MGMT: variants seen among roughly 807,000 people sequenced by gnomAD.
MGMT encodes the protein O-6-methylguanine-DNA methyltransferase.
In MGMT, 14 loss-of-function variants were observed where a neutral mutation model predicts 15.9. The observed-to-expected ratio is 0.88, with a 90% CI of 0.58 to 1.37. The LOEUF (loss-of-function observed/expected upper bound fraction) is 1.37. Ranked by LOEUF, MGMT falls within the 40% of genes most tolerant of loss-of-function variation. The pLI is 0.00. For synonymous variants in MGMT, 130 were observed against 118.2 expected, an observed-to-expected ratio of 1.10 and a Z score of -0.65; for missense variants, 282 against 268.1, an observed-to-expected ratio of 1.05 and a Z score of -0.36.
At chr10:129,584,440 T>G (rs567485328) in intron 2 of MGMT, among the ~76,000 whole-genome samples, 18 of 50,312 alleles carry the variant, frequency 3.6e-4, no homozygotes, top group African/African-American at 7.4e-4. Flanking sequence ...GCTTAATTTG[T>G]TTTTTTTTTC....
chr10:129,672,866 T>A (rs1461007511), intron 2 of MGMT, among the ~76,000 whole-genome samples: 1 of 152,212 alleles, frequency 6.6e-6, no homozygotes, highest in African/African-American at 2.4e-5. Flanking sequence ...TTTTATTTTG[T>A]GCCATATTAG....
At chr10:129,536,470 G>C (rs763452720) in intron 2 of MGMT, 93 bp downstream of exon 2, 3 of 1,485,220 alleles carry the variant, frequency 2.0e-6, no homozygotes, top group Non-Finnish European at 2.7e-6. Flanking sequence ...TGATGGCAGG[G>C]TAACGCATAG....
chr10:129,502,452 C>G (rs1845583975), intron 1 of MGMT, among the ~76,000 whole-genome samples: 1 of 151,948 alleles, frequency 6.6e-6, no homozygotes, highest in South Asian at 2.1e-4. Context: ...CAAAAAGGTA[C>G]AGAAGCTGCC....
intron 3 of MGMT, among the ~76,000 whole-genome samples, chr10:129,709,015 C>T (rs1463186479): frequency 6.6e-6 from 1 of 152,210 alleles, no homozygotes; most frequent in Non-Finnish European, 1.5e-5. Context: ...CCAAGTCAGA[C>T]AGGCGAACAT....
At position 129,498,565 on chromosome 10, in the gene MGMT, G is replaced by T. The variant is rs548917530; in HGVS notation, c.-13+31269G>T. ...ATGGATATTTATTTTAATTTCTGGG[G>T]TATAGTCCAGTGCTGTCTTTACTTA... On this transcript the variant is annotated intron_variant, in intron 1 of 4. Coordinates refer to ENST00000651593, the MANE Select transcript of MGMT (RefSeq NM_002412.5). Among the ~76,000 whole-genome samples, 16 of 152,284 alleles carry T rather than the reference G, an allele frequency of 1.1e-4. 1 individual carries two copies. In the South Asian group the frequency reaches 3.3e-3, roughly 32 times the overall value.
rs776444084 is a variant in MGMT, at chr10:129,707,998, G to A, written c.229G>A (p.Glu77Lys). Residue 77 changes from glutamate (E) to lysine (K), a missense_variant, in exon 3 of 5, where the codon GAA (glutamate) becomes AAA (lysine). Transcript: ENST00000651593. Reference protein sequence around the residue: ...NAYFHQPEAIEEFPVPALHHP... With the variant: ...NAYFHQPEAIKEFPVPALHHP... ...CTATTTCCACCAGCCCGAGGCTATC[G>A]AAGAGTTCCCCGTGCCGGCTCTTCA... The A allele has an allele frequency of 8.7e-6, 14 of 1,613,698 alleles. No homozygotes were observed. The highest frequency in any genetic ancestry group is 3.3e-5 in the South Asian group (3 of 91,068).
rs961506918 is a variant in MGMT, at chr10:129,480,629, G to T, written c.-13+13333G>T. 1.2e-3 allele frequency among the ~76,000 whole-genome samples: 181 copies of T among 152,166 alleles called. 3 individuals carry two copies. Among genetic ancestry groups the T allele is most frequent in the Non-Finnish European group, 3.7e-4 (25 of 68,024 alleles). On this transcript the variant is annotated intron_variant, in intron 1 of 4. Coordinates refer to ENST00000651593, the MANE Select transcript of MGMT (RefSeq NM_002412.5). ...ACACTGGCTCATGACTGTGATTCCA[G>T]CACTTTGGGAGGCTGAGGTGGGAGG...
intron 1 of MGMT, 117 bp from the exon 2 acceptor site, chr10:129,536,124 T>C: frequency 8.3e-7 from 1 of 1,203,380 alleles, no homozygotes. Flanking sequence ...ATTCCAAAAA[T>C]GAGGAAGAGC....
rs564410912 is a variant in MGMT, at chr10:129,680,936, G to A, written c.126-26959G>A. ...TCCTGAGCGACCCCATCAGTAAAGC[G>A]TCGCCACCATGCAATGCTGCTGGCA... is the stretch of plus-strand genomic sequence containing the variant. On this transcript the variant is annotated intron_variant, in intron 2 of 4. Transcript: ENST00000651593. Among the ~76,000 whole-genome samples, 10 of 152,330 alleles carry A rather than the reference G, an allele frequency of 6.6e-5. 1 individual carries two copies. Among genetic ancestry groups the A allele is most frequent in the South Asian group, 4.1e-4 (2 of 4,832 alleles).
rs1194885939 is a variant in MGMT at position 129,467,301 on chromosome 10, G to C, written c.-13+5G>C. The C allele has an allele frequency of 6.5e-7, 1 of 1,538,730 alleles. No individual in the cohort carries two copies. The highest frequency in any genetic ancestry group is 2.0e-5 in the Admixed American group (1 of 49,414). Reference sequence around the variant, plus strand: ...GTGCGCACCGTTTGCGACTTGGTGAGTGTCTGGGTCGCCTCGCTCCCGGAA... The same window carrying C: ...GTGCGCACCGTTTGCGACTTGGTGACTGTCTGGGTCGCCTCGCTCCCGGAA... On this transcript the variant is annotated splice_donor_5th_base_variant and intron_variant, in intron 1 of 4. Coordinates refer to ENST00000651593, the MANE Select transcript of MGMT (RefSeq NM_002412.5).
chr10:129,517,620 G>C (rs547612134), intron 1 of MGMT, among the ~76,000 whole-genome samples: 1 of 152,192 alleles, frequency 6.6e-6, no homozygotes, highest in Non-Finnish European at 1.5e-5. Context: ...TCATGAGGCC[G>C]TATGTCGCAC....
At chr10:129,624,220 G>A (rs1847121106) in intron 2 of MGMT, among the ~76,000 whole-genome samples, 1 of 152,216 alleles carries the variant, frequency 6.6e-6, no homozygotes, top group East Asian at 1.9e-4. Context: ...CTGTGCCCAG[G>A]GTTTGTGCAC....
intron 2 of MGMT, among the ~76,000 whole-genome samples, chr10:129,618,099 G>A (rs531202270): frequency 6.6e-6 from 1 of 152,134 alleles, no homozygotes; most frequent in Non-Finnish European, 1.5e-5. Context: ...ACCAGAGATA[G>A]AGCCAGGCCC....
At chr10:129,632,782 G>A (rs1314402569) in intron 2 of MGMT, among the ~76,000 whole-genome samples, 1 of 151,062 alleles carries the variant, frequency 6.6e-6, no homozygotes, top group Non-Finnish European at 1.5e-5. Flanking sequence ...GGAGTGACTG[G>A]GTGTCTTTAA....
chr10:129,563,384 A>G (rs1185813118), intron 2 of MGMT, among the ~76,000 whole-genome samples: 1 of 151,876 alleles, frequency 6.6e-6, no homozygotes, highest in Admixed American at 6.6e-5. Context: ...CCTGAGGCCG[A>G]GTCTTCTGTG....
At chr10:129,622,913 G>A (rs755814347) in intron 2 of MGMT, among the ~76,000 whole-genome samples, 8 of 152,188 alleles carry the variant, frequency 5.3e-5, no homozygotes, top group Non-Finnish European at 1.0e-4. Context: ...ATGGAGCCCC[G>A]TTTCGTTGGC....
rs1239490756 is a variant in MGMT, at chr10:129,767,032, C to T, written c.*35C>T. On this transcript the variant is annotated 3_prime_UTR_variant, in exon 5 of 5. Coordinates refer to ENST00000651593, the MANE Select transcript of MGMT (RefSeq NM_002412.5). ...GTAGGATGGATGTTTGAGCGACACA[C>T]ACGTGTAACACTGCATCGGATGCGG... 6.6e-7 allele frequency: 1 copy of T among 1,510,984 alleles called. No individual in the cohort carries two copies. The highest frequency in any genetic ancestry group is 1.3e-5 in the South Asian group (1 of 77,996). 93.6% of individuals were successfully genotyped at this position (1,510,984 alleles called of 1,614,324 possible).
intron 2 of MGMT, among the ~76,000 whole-genome samples, chr10:129,578,095 G>A (rs934105360): frequency 2.6e-5 from 4 of 152,148 alleles, no homozygotes; most frequent in Non-Finnish European, 5.9e-5. Flanking sequence ...GGACTGTAAA[G>A]TAGTTCAACC....
chr10:129,688,843 A>G (rs1414977065), intron 2 of MGMT, among the ~76,000 whole-genome samples: 1 of 152,352 alleles, frequency 6.6e-6, no homozygotes, highest in Admixed American at 6.5e-5. Flanking sequence ...AGACACGGCA[A>G]GCATCAGACC....
Sources: gnomAD v4.1 joint callset for allele counts (sites outside exome capture counted in the v4.1 genomes callset) on GRCh38, gnomAD v4.1.1 for gene constraint, MANE v1.5 for transcripts, NCBI Gene and HGNC (gene_info 2026-07-23, HGNC 2026-07-21) for gene names.